SPHKAP: variants seen among roughly 807,000 people sequenced by gnomAD.
SPHKAP encodes SPHK1 interactor, AKAP domain containing, also known as A-kinase anchor protein SPHKAP.
SPHKAP carries 67 observed loss-of-function variants against 137.5 expected under a neutral mutation model. That is an observed-to-expected ratio of 0.49 (90% CI 0.40 to 0.60). The LOEUF (loss-of-function observed/expected upper bound fraction) is 0.60. Among genes scored for constraint, SPHKAP ranks in the 20% least tolerant of loss-of-function variants. The pLI is 0.00. For synonymous variants in SPHKAP, 813 were observed against 785.3 expected, an observed-to-expected ratio of 1.04 and a Z score of -0.59; for missense variants, 2,097 against 2,069.3, an observed-to-expected ratio of 1.01 and a Z score of -0.26.
At chr2:228,131,268 T>G in intron 2 of SPHKAP, 1 of 983,610 alleles carries the variant, frequency 1.0e-6, no homozygotes, top group Non-Finnish European at 1.2e-6. Context: ...ATGAAATAAC[T>G]CACTGTGATT....
At chr2:228,033,483 T>C (rs1008079226) in intron 3 of SPHKAP, among the ~76,000 whole-genome samples, 3 of 152,124 alleles carry the variant, frequency 2.0e-5, no homozygotes, top group Non-Finnish European at 4.4e-5. Context: ...GACAGAAAGT[T>C]AACAAGGATA....
At chr2:228,079,176 T>G (rs1285401516) in intron 3 of SPHKAP, among the ~76,000 whole-genome samples, 2 of 152,198 alleles carry the variant, frequency 1.3e-5, no homozygotes, top group Non-Finnish European at 2.9e-5. Flanking sequence ...AGGCATTAGA[T>G]TCTCATGAAG....
intron 3 of SPHKAP, among the ~76,000 whole-genome samples, chr2:228,039,615 A>C (rs1466363369): frequency 3.9e-5 from 6 of 152,208 alleles, no homozygotes; most frequent in African/African-American, 1.4e-4. Flanking sequence ...TGTGAGGAAG[A>C]GGATGACATG....
intron 1 of SPHKAP, among the ~76,000 whole-genome samples, chr2:228,177,946 G>C (rs371280224): frequency 6.6e-6 from 1 of 152,126 alleles, no homozygotes. Context: ...AAACAGTACA[G>C]TATAACAATG....
chr2:228,030,717 C>T (rs1223255616), intron 3 of SPHKAP, among the ~76,000 whole-genome samples: 3 of 140,352 alleles, frequency 2.1e-5, no homozygotes, highest in Non-Finnish European at 4.6e-5. Flanking sequence ...CCCAATGCAC[C>T]TCCATAATAT....
At chr2:228,030,343 G>A (rs1364398814) in intron 3 of SPHKAP, among the ~76,000 whole-genome samples, 4 of 151,670 alleles carry the variant, frequency 2.6e-5, no homozygotes, top group Non-Finnish European at 4.4e-5. Flanking sequence ...GTGAAACCCC[G>A]TCTCTACTAA....
At chr2:228,070,892 T>C (rs1696983542) in intron 3 of SPHKAP, among the ~76,000 whole-genome samples, 1 of 152,170 alleles carries the variant, frequency 6.6e-6, no homozygotes, top group African/African-American at 2.4e-5. Context: ...GACATTATGT[T>C]TGGGAACAAA....
At chr2:228,176,437 G>A (rs1469065988) in intron 1 of SPHKAP, among the ~76,000 whole-genome samples, 2 of 152,194 alleles carry the variant, frequency 1.3e-5, no homozygotes, top group Non-Finnish European at 2.9e-5. Flanking sequence ...TAGAAGATAA[G>A]TATATCCAAG....
chr2:228,105,985 T>A (rs1280548395), intron 3 of SPHKAP, among the ~76,000 whole-genome samples: 2 of 152,224 alleles, frequency 1.3e-5, no homozygotes, highest in Admixed American at 1.3e-4. Context: ...ACTTCCTGGA[T>A]AGCGGTTCCT....
chr2:228,093,859 CAAAAAAAA>C (rs11336381), intron 3 of SPHKAP, among the ~76,000 whole-genome samples: 4 of 77,108 alleles, frequency 5.2e-5, no homozygotes, highest in Non-Finnish European at 7.0e-5. Context: ...GACTCCGTTT[CAAAAAAAA>C]AAAAAAAAAA....
chr2:228,133,006 A>AAAAC (rs923121473), intron 1 of SPHKAP, among the ~76,000 whole-genome samples: 7 of 151,370 alleles, frequency 4.6e-5, no homozygotes, highest in East Asian at 3.9e-4. Flanking sequence ...AAAAAAACAA[A>AAAAC]AAACAAACAA....
At chr2:228,104,001 C>T (rs59147140) in intron 3 of SPHKAP, among the ~76,000 whole-genome samples, 484 of 151,788 alleles carry the variant, frequency 3.2e-3, no homozygotes, top group African/African-American at 0.011. Flanking sequence ...ATAAAGCAAA[C>T]GTGGAAAAAT....
chr2:227,997,281 C>T (rs1693672776), intron 7 of SPHKAP, among the ~76,000 whole-genome samples: 1 of 152,112 alleles, frequency 6.6e-6, no homozygotes, highest in African/African-American at 2.4e-5. Context: ...GGATTTCTTG[C>T]CTCCCAGCCT....
At chr2:228,091,861 G>C (rs544206312) in intron 3 of SPHKAP, among the ~76,000 whole-genome samples, 1 of 152,094 alleles carries the variant, frequency 6.6e-6, no homozygotes, top group Non-Finnish European at 1.5e-5. Flanking sequence ...ACAGTGTGGA[G>C]AGTCCTTAAA....
intron 1 of SPHKAP, among the ~76,000 whole-genome samples, chr2:228,154,500 C>CTA (rs1700037735): frequency 1.8e-4 from 5 of 27,264 alleles, no homozygotes; most frequent in African/African-American, 5.3e-4. Flanking sequence ...CTCTCTCTCT[C>CTA]TCTCTCTCTC....
intron 2 of SPHKAP, chr2:228,109,309 A>G (rs557186505): frequency 2.2e-6 from 2 of 925,300 alleles, no homozygotes; most frequent in East Asian, 1.2e-4. Flanking sequence ...ACACTCCATA[A>G]GTATTTTCAA....
chr2:228,122,275 A>G (rs1698932414), intron 2 of SPHKAP, among the ~76,000 whole-genome samples: 1 of 152,138 alleles, frequency 6.6e-6, no homozygotes, highest in African/African-American at 2.4e-5. Flanking sequence ...AAGTTTTCAG[A>G]GTCCCCCCTT....
chr2:228,174,873 T>G (rs1261125463), intron 1 of SPHKAP, among the ~76,000 whole-genome samples: 1 of 151,994 alleles, frequency 6.6e-6, no homozygotes, highest in East Asian at 1.9e-4. Context: ...AAGGTAAAAC[T>G]AAATGCTAAA....
chr2:228,040,307 C>T (rs1182678407), intron 3 of SPHKAP, among the ~76,000 whole-genome samples: 1 of 152,174 alleles, frequency 6.6e-6, no homozygotes, highest in Non-Finnish European at 1.5e-5. Flanking sequence ...AACATTGCCT[C>T]CTTTCTTTTT....
Sources: allele counts gnomAD v4.1 joint callset (sites outside exome capture counted in the v4.1 genomes callset), GRCh38; gene constraint gnomAD v4.1.1; transcripts MANE v1.5; gene names NCBI Gene and HGNC (gene_info 2026-07-23, HGNC 2026-07-21).